TENM2: variants seen among roughly 807,000 people sequenced by gnomAD.
TENM2 encodes the protein teneurin transmembrane protein 2, also known as teneurin-2.
TENM2 carries 52 observed loss-of-function variants against 245.2 expected under a neutral mutation model. That is an observed-to-expected ratio of 0.21 (90% CI 0.17 to 0.27). The LOEUF (loss-of-function observed/expected upper bound fraction) is 0.27. Ranked by LOEUF, TENM2 falls within the 10% of genes least tolerant of loss-of-function variation. The pLI is 1.00. For missense variants in TENM2, 3,046 were observed against 3,666.8 expected, an observed-to-expected ratio of 0.83 and a Z score of 4.37; for synonymous variants, 1,363 against 1,438.9, an observed-to-expected ratio of 0.95 and a Z score of 1.19.
chr5:167,475,710 C>A (rs753889903), intron 2 of TENM2, among the ~76,000 whole-genome samples: 1 of 152,038 alleles, frequency 6.6e-6, no homozygotes, highest in Non-Finnish European at 1.5e-5. Flanking sequence ...CATATGTTCT[C>A]ATTGTTCAGC....
chr5:167,976,085 T>C lies in TENM2; in HGVS notation c.948-16859T>C, dbSNP rs141515410. 2.3e-4 allele frequency among the ~76,000 whole-genome samples: 35 copies of C among 152,324 alleles called. No homozygotes were observed. In the East Asian group the frequency reaches 6.6e-3, roughly 29 times the overall value. ...CCTTGAAGAAATCACATATGATACT[T>C]AGTCTGTCCCCTTTAATTTTTACAC... On this transcript the variant is annotated intron_variant, in intron 4 of 28. Coordinates refer to ENST00000518659, the Ensembl canonical transcript of TENM2.
At chr5:168,205,913 T>A (rs866575781) in intron 19 of TENM2, among the ~76,000 whole-genome samples, 1 of 152,052 alleles carries the variant, frequency 6.6e-6, no homozygotes. Context: ...GGAAAACCCA[T>A]AGGGAAGCTG....
chr5:167,274,546 G>T, the TENM2 span, among the ~76,000 whole-genome samples: 3 of 151,742 alleles, frequency 2.0e-5, no homozygotes, highest in East Asian at 5.8e-4. Context: ...TAGGTTGTAT[G>T]GCAGTTACAC....
the TENM2 span, among the ~76,000 whole-genome samples, chr5:167,248,776 A>ATG: frequency 8.2e-6 from 1 of 121,506 alleles, no homozygotes; most frequent in South Asian, 3.2e-4. Flanking sequence ...AGCCATATAT[A>ATG]TGTGTGTATA....
intron 2 of TENM2, among the ~76,000 whole-genome samples, chr5:167,832,849 C>T (rs1309114665): frequency 6.6e-6 from 1 of 150,558 alleles, no homozygotes; most frequent in African/African-American, 2.4e-5. Context: ...TCAATTCTGT[C>T]ATATTCTTAA....
At chr5:167,619,744 A>G (rs967008815) in intron 2 of TENM2, among the ~76,000 whole-genome samples, 4 of 152,150 alleles carry the variant, frequency 2.6e-5, no homozygotes, top group African/African-American at 7.2e-5. Context: ...CAGGCAAACC[A>G]TTGCCTATGA....
chr5:168,200,143 T>C lies in TENM2; in HGVS notation c.3430+12T>C. On this transcript the variant is annotated intron_variant, in intron 17 of 28. Transcript: ENST00000518659. ...CTCAGATGCTGTTGGTATGTTTTGG[T>C]TTCAACCACTTATTGATCAATGGAT... 2.5e-6 allele frequency: 4 copies of C among 1,607,646 alleles called. No individual in the cohort carries two copies. In the African/African-American group the frequency reaches 5.3e-5, roughly 21 times the overall value.
chr5:167,189,465 C>G, the TENM2 span, among the ~76,000 whole-genome samples: 1 of 151,834 alleles, frequency 6.6e-6, no homozygotes, highest in Non-Finnish European at 1.5e-5. Context: ...TTTTTTCTCT[C>G]TTCCTTTCTC....
chr5:167,058,810 G>C, the TENM2 span, among the ~76,000 whole-genome samples: 1 of 152,136 alleles, frequency 6.6e-6, no homozygotes, highest in Non-Finnish European at 1.5e-5. Flanking sequence ...AAAAGAGAAA[G>C]TGCACAGCTC....
chr5:168,079,226 C>G (rs1452553308), intron 7 of TENM2, among the ~76,000 whole-genome samples: 1 of 152,188 alleles, frequency 6.6e-6, no homozygotes, highest in African/African-American at 2.4e-5. Context: ...ATTTGGCTCT[C>G]TGTTTGTCTG....
chr5:167,528,999 A>G (rs946276403), intron 2 of TENM2, among the ~76,000 whole-genome samples: 3 of 152,196 alleles, frequency 2.0e-5, no homozygotes, highest in South Asian at 2.1e-4. Flanking sequence ...AAGATTAAGC[A>G]AAATAGAAAA....
chr5:167,835,894 G>T (rs1768943464), intron 2 of TENM2, among the ~76,000 whole-genome samples: 1 of 152,100 alleles, frequency 6.6e-6, no homozygotes. Context: ...TTGGGAGGAA[G>T]AACACTCAAT....
At chr5:167,203,798 A>G in the TENM2 span, among the ~76,000 whole-genome samples, 8 of 152,184 alleles carry the variant, frequency 5.3e-5, no homozygotes, top group African/African-American at 1.9e-4. Context: ...AAATGTATCA[A>G]ATAAAAAGTT....
chr5:167,796,788 TGG>T (rs1765354126), intron 2 of TENM2, among the ~76,000 whole-genome samples: 1 of 152,070 alleles, frequency 6.6e-6, no homozygotes, highest in South Asian at 2.1e-4. Flanking sequence ...GCACATCCTT[TGG>T]GAGTTGCTGT....
chr5:167,367,716 A>G (rs1760146698), intron 1 of TENM2, among the ~76,000 whole-genome samples: 1 of 152,122 alleles, frequency 6.6e-6, no homozygotes, highest in South Asian at 2.1e-4. Flanking sequence ...TGGCTCACAC[A>G]TATCTACAAT....
intron 2 of TENM2, among the ~76,000 whole-genome samples, chr5:167,621,383 C>T (rs994609913): frequency 1.5e-4 from 23 of 151,984 alleles, no homozygotes; most frequent in African/African-American, 5.1e-4. Context: ...CTTACAGAGG[C>T]CATAGTGTGG....
chr5:167,580,543 A>G (rs1185589522), intron 2 of TENM2, among the ~76,000 whole-genome samples: 1 of 152,244 alleles, frequency 6.6e-6, no homozygotes, highest in East Asian at 1.9e-4. Context: ...AGCCTCTTAG[A>G]TACCACAAGG....
At position 167,331,915 on chromosome 5, in the gene TENM2, T is replaced by G. The variant is rs181116967; in HGVS notation, c.227-43283T>G. Among the ~76,000 whole-genome samples the G allele has an allele frequency of 2.6e-5, 4 of 152,270 alleles. 1 individual carries two copies. Among genetic ancestry groups the G allele is most frequent in the Admixed American group, 2.6e-4 (4 of 15,278 alleles). On this transcript the variant is annotated intron_variant, in intron 1 of 28. Coordinates refer to ENST00000518659, the Ensembl canonical transcript of TENM2. The stretch of plus-strand genomic sequence containing the variant: ...GGGGCACCTGGCATTAAATACTGTA[T>G]TTACGAAAATGCAGTAAAAAAATCA...
chr5:167,192,161 C>T, the TENM2 span, among the ~76,000 whole-genome samples: 2 of 152,070 alleles, frequency 1.3e-5, no homozygotes, highest in Non-Finnish European at 2.9e-5. Context: ...AGAACCCATA[C>T]AACCTTGATG....
Sources: allele counts gnomAD v4.1 joint callset (sites outside exome capture counted in the v4.1 genomes callset), GRCh38; gene constraint gnomAD v4.1.1; transcripts MANE v1.5; gene names NCBI Gene and HGNC (gene_info 2026-07-23, HGNC 2026-07-21).